ARHGAP24: variants seen among roughly 807,000 people sequenced by gnomAD.
The protein encoded by ARHGAP24 is rho GTPase-activating protein 24.
ARHGAP24 carries 50 observed loss-of-function variants against 76.4 expected under a neutral mutation model. The observed-to-expected ratio is 0.65, with a 90% confidence interval of 0.52 to 0.83. ARHGAP24 has a LOEUF of 0.83. ARHGAP24 is among the 40% of genes least tolerant of loss of function. The pLI, the probability that ARHGAP24 is intolerant of heterozygous loss-of-function variation, is 0.00. For missense variants in ARHGAP24, 930 were observed against 914.2 expected, an observed-to-expected ratio of 1.02 and a Z score of -0.22; for synonymous variants, 345 against 323.3, an observed-to-expected ratio of 1.07 and a Z score of -0.72.
At chr4:85,558,770 AT>A in intron 1 of ARHGAP24, among the ~76,000 whole-genome samples, 1 of 152,348 alleles carries the variant, frequency 6.6e-6, no homozygotes, top group Non-Finnish European at 1.5e-5. Flanking sequence ...CTTATTGGAA[AT>A]CATTAAGTAC....
chr4:85,525,231 T>G (rs1168280501), intron 1 of ARHGAP24, among the ~76,000 whole-genome samples: 1 of 151,484 alleles, frequency 6.6e-6, no homozygotes, highest in Non-Finnish European at 1.5e-5. Context: ...AATAGTTTCA[T>G]ATGCCATGTG....
intron 2 of ARHGAP24, among the ~76,000 whole-genome samples, chr4:85,711,883 C>G (rs1724538959): frequency 6.6e-6 from 1 of 152,108 alleles, no homozygotes; most frequent in African/African-American, 2.4e-5. Flanking sequence ...ATTTTCTGGT[C>G]CACAGATAAT....
chr4:85,957,280 TG>T (rs1210344959), intron 5 of ARHGAP24, among the ~76,000 whole-genome samples: 16 of 152,222 alleles, frequency 1.1e-4, no homozygotes, highest in South Asian at 6.2e-4. Context: ...TTATCAGTTT[TG>T]GGGTAAAAGG....
intron 3 of ARHGAP24, among the ~76,000 whole-genome samples, chr4:85,870,934 C>T (rs147824039): frequency 1.4e-3 from 219 of 152,170 alleles, no homozygotes; most frequent in Admixed American, 1.8e-3. Flanking sequence ...CCAAATATTA[C>T]CTCTGAATGG....
intron 2 of ARHGAP24, among the ~76,000 whole-genome samples, chr4:85,641,112 A>G (rs1721504206): frequency 6.6e-6 from 1 of 152,054 alleles, no homozygotes; most frequent in African/African-American, 2.4e-5. Flanking sequence ...TTTTCTTTTA[A>G]TAGAGACAGC....
intron 3 of ARHGAP24, among the ~76,000 whole-genome samples, chr4:85,810,176 A>G (rs1261991546): frequency 6.6e-6 from 1 of 152,226 alleles, no homozygotes; most frequent in African/African-American, 2.4e-5. Flanking sequence ...ATGTAAGTCA[A>G]TTACCAACTT....
intron 2 of ARHGAP24, among the ~76,000 whole-genome samples, chr4:85,668,002 T>C (rs948172318): frequency 6.6e-6 from 1 of 152,198 alleles, no homozygotes; most frequent in African/African-American, 2.4e-5. Flanking sequence ...TTGAGTAATA[T>C]AAATATTAAA....
intron 3 of ARHGAP24, among the ~76,000 whole-genome samples, chr4:85,765,295 A>G (rs1019740865): frequency 2.6e-5 from 4 of 152,138 alleles, no homozygotes; most frequent in Non-Finnish European, 5.9e-5. Flanking sequence ...TGAGTAGAAT[A>G]TTAGAGCACA....
At chr4:85,943,128 T>A (rs1429659121) in intron 5 of ARHGAP24, among the ~76,000 whole-genome samples, 1 of 152,164 alleles carries the variant, frequency 6.6e-6, no homozygotes, top group African/African-American at 2.4e-5. Flanking sequence ...TAAATACTAT[T>A]GTAGTGGATA....
Position 85,867,898 on chromosome 4 carries a change from C to CATATATATATATAT in ARHGAP24, c.269-55739_269-55738insTATATATATATATA, listed in dbSNP as rs113874290. Among the ~76,000 whole-genome samples the CATATATATATATAT allele has an allele frequency of 2.2e-3, 231 of 106,702 alleles. 1 individual carries two copies. Among genetic ancestry groups the CATATATATATATAT allele is most frequent in the Middle Eastern group, 5.5e-3 (1 of 182 alleles). The allele number at this position is 106,702 out of a possible 152,430, so 70.0% of individuals were successfully genotyped here. On this transcript the variant is annotated intron_variant, in intron 3 of 9. Transcript: ENST00000395184. ...TAAACATATATAATGTGTGTGTGTA[C>CATATATATATATAT]ATATATATATACATATATGTACACA...
chr4:85,683,854 T>C (rs1268387074), intron 2 of ARHGAP24, among the ~76,000 whole-genome samples: 3 of 152,198 alleles, frequency 2.0e-5, no homozygotes, highest in Non-Finnish European at 2.9e-5. Context: ...AATAATGCAA[T>C]ATTGTCCTCT....
rs904606393 is a variant in ARHGAP24 at position 85,492,123 on chromosome 4, C to A, written c.-21+16564C>A. 3.3e-5 allele frequency among the ~76,000 whole-genome samples: 5 copies of A among 150,048 alleles called. No individual in the cohort carries two copies. The South Asian group carries it at 1.0e-3, about 31-fold the overall frequency. On this transcript the variant is annotated intron_variant, in intron 1 of 9. Transcript: ENST00000395184. ...CCCTCCCTTCCTTCCTTCTTCTGTT[C>A]TTTGCCTTTTCTCTTTATTACCCTA...
intron 2 of ARHGAP24, among the ~76,000 whole-genome samples, chr4:85,594,623 A>G (rs1394144513): frequency 6.6e-6 from 1 of 152,056 alleles, no homozygotes. Context: ...AAAAAAGGGA[A>G]TCTTACTTTC....
At chr4:85,690,806 T>C (rs1291852393) in intron 2 of ARHGAP24, among the ~76,000 whole-genome samples, 2 of 151,610 alleles carry the variant, frequency 1.3e-5, no homozygotes, top group Non-Finnish European at 2.9e-5. Context: ...TTCATCGATC[T>C]TTTGTATGGA....
At chr4:85,855,124 A>G (rs1024297162) in intron 3 of ARHGAP24, among the ~76,000 whole-genome samples, 7 of 152,358 alleles carry the variant, frequency 4.6e-5, no homozygotes, top group African/African-American at 1.7e-4. Flanking sequence ...ATAGTCTTCT[A>G]TGCATTATTT....
intron 1 of ARHGAP24, among the ~76,000 whole-genome samples, chr4:85,481,966 G>A (rs1722832008): frequency 1.3e-5 from 2 of 152,192 alleles, no homozygotes; most frequent in South Asian, 4.1e-4. Flanking sequence ...AATTATGGGA[G>A]TGCATCTCAC....
chr4:85,737,986 T>C (rs1441165815), intron 3 of ARHGAP24, among the ~76,000 whole-genome samples: 1 of 152,154 alleles, frequency 6.6e-6, no homozygotes, highest in African/African-American at 2.4e-5. Context: ...AGTGGTATGA[T>C]CTCGGCTCAC....
chr4:85,790,501 G>T (rs997623465), intron 3 of ARHGAP24, among the ~76,000 whole-genome samples: 1 of 152,062 alleles, frequency 6.6e-6, no homozygotes, highest in Non-Finnish European at 1.5e-5. Flanking sequence ...ATATGAAAAT[G>T]GTTTCAATTT....
intron 2 of ARHGAP24, among the ~76,000 whole-genome samples, chr4:85,682,091 T>G (rs1234528642): frequency 1.3e-5 from 2 of 152,172 alleles, no homozygotes; most frequent in Non-Finnish European, 2.9e-5. Flanking sequence ...TTTTAAACAC[T>G]GTGTTATATT....
Sources: allele counts gnomAD v4.1 joint callset (sites outside exome capture counted in the v4.1 genomes callset), GRCh38; gene constraint gnomAD v4.1.1; transcripts MANE v1.5; gene names NCBI Gene and HGNC (gene_info 2026-07-23, HGNC 2026-07-21).